Variants in EPS8L1 observed in about 807,000 individuals in gnomAD.
EPS8L1 encodes the protein epidermal growth factor receptor kinase substrate 8-like protein 1.
In EPS8L1, 101 loss-of-function variants were observed where a neutral mutation model predicts 91.7. The observed-to-expected ratio is 1.10, with a 90% CI of 0.94 to 1.30. The LOEUF is 1.30. Among genes scored for constraint, EPS8L1 ranks in the 50% most tolerant of loss-of-function variants. The pLI, the probability that EPS8L1 is intolerant of heterozygous loss-of-function variation, is 0.00. For missense variants in EPS8L1, 1,114 were observed against 1,017.0 expected, an observed-to-expected ratio of 1.10 and a Z score of -1.30; for synonymous variants, 506 against 445.3, an observed-to-expected ratio of 1.14 and a Z score of -1.72.
chr19:55,085,346 T>C (rs1602954508), intron 14 of EPS8L1, among the ~76,000 whole-genome samples: 1 of 152,296 alleles, frequency 6.6e-6, no homozygotes, highest in South Asian at 2.1e-4. Context: ...GGGTATTTTT[T>C]AGTAGAGACA....
Position 55,081,900 on chromosome 19 carries a change from G to A in EPS8L1, c.901+1G>A, listed in dbSNP as rs1218472155. 2 of 1,606,816 alleles carry A rather than the reference G, an allele frequency of 1.2e-6. No homozygotes were observed. The highest frequency in any genetic ancestry group is 1.1e-5 in the South Asian group (1 of 90,718). Reference sequence around the variant, plus strand: ...AGGAGCCGGCGCCGGGCGGCTGGGGGTAAGGGGCACCCTGGCGTGGGATCT... The same window carrying A: ...AGGAGCCGGCGCCGGGCGGCTGGGGATAAGGGGCACCCTGGCGTGGGATCT... On this transcript the variant is annotated splice_donor_variant, in intron 9 of 19. Coordinates refer to ENST00000201647, the MANE Select transcript of EPS8L1 (RefSeq NM_133180.3). LOFTEE classifies it high-confidence loss of function. The surrounding 1 kb of genome is among the most constrained non-coding windows in gnomAD (Gnocchi z 4.9).
rs2076368792 is a variant in EPS8L1 at position 55,087,766 on chromosome 19, C to G, written c.*152C>G. ...ATCCCGGTGGACAGACTTAACGATC[C>G]TTGCTGCAGTCCCTCCGGAGAGGAT... On this transcript the variant is annotated 3_prime_UTR_variant, in exon 20 of 20. Coordinates refer to ENST00000201647, the MANE Select transcript of EPS8L1 (RefSeq NM_133180.3). The G allele has an allele frequency of 6.4e-6, 5 of 784,304 alleles. No individual in the cohort carries two copies. The Admixed American group carries it at 8.6e-5, about 13-fold the overall frequency. The allele number at this position is 784,304 out of a possible 1,614,324, so 48.6% of individuals were successfully genotyped here. A position where few individuals can be genotyped will look rare whatever the true frequency, so the allele number is the denominator to read the frequency against.
intron 14 of EPS8L1, among the ~76,000 whole-genome samples, chr19:55,084,869 G>A (rs1175237874): frequency 6.6e-6 from 1 of 152,136 alleles, no homozygotes; most frequent in Non-Finnish European, 1.5e-5. Context: ...AGGGCTTAAG[G>A]CTGTGACCAG....
rs371114379 is a variant in EPS8L1, at chr19:55,086,157, C to A, written c.1615C>A (p.Arg539=). The change falls in exon 16 of 20, where the codon CGG becomes AGG. Residue 539 remains arginine, a synonymous_variant. Coordinates refer to ENST00000201647, the MANE Select transcript of EPS8L1 (RefSeq NM_133180.3). The part of the protein sequence containing the change: ...YNILTPYPGP[R]LHHSQSPARS... ...CATCCTGACACCCTACCCCGGACCC[C>A]GGCTGCACCACAGCCAAAGCCCTGC... The A allele has an allele frequency of 6.9e-6, 11 of 1,604,550 alleles. No homozygotes were observed. Among genetic ancestry groups the A allele is most frequent in the Non-Finnish European group, 9.4e-6 (11 of 1,174,878 alleles).
rs1291076726 is a variant in EPS8L1 at position 55,086,417 on chromosome 19, C to T, written c.1676C>T (p.Ala559Val). Residue 559 changes from alanine to valine, a missense_variant, in exon 17 of 20, where the codon GCC becomes GTC. Transcript: ENST00000201647. ...SLNSTPPPPP[A>V]PAPAPPPALA... ...AACAGCACTCCTCCTCCACCACCAG[C>T]CCCAGCCCCGGCCCCACCTCCAGCT... is the stretch of plus-strand genomic sequence containing the variant. 2 of 1,562,476 alleles carry T rather than the reference C, an allele frequency of 1.3e-6. No individual in the cohort carries two copies. The highest frequency in any genetic ancestry group is 1.7e-6 in the Non-Finnish European group (2 of 1,152,266).
intron 1 of EPS8L1, 134 bp from the exon 2 acceptor site, chr19:55,076,274 A>C: frequency 1.6e-6 from 1 of 616,930 alleles, no homozygotes. Context: ...CTGAGGGAGG[A>C]GGGGCTGGGG....
Position 55,083,392 on chromosome 19 carries a change from CGGA to C in EPS8L1, c.1235_1237del (p.Glu412del). 1 of 1,613,070 alleles carries C rather than the reference CGGA, an allele frequency of 6.2e-7. No individual in the cohort carries two copies. The highest frequency in any genetic ancestry group is 8.5e-7 in the Non-Finnish European group (1 of 1,179,924). On this transcript the variant is annotated inframe_deletion, in exon 13 of 20. Transcript: ENST00000201647. The surrounding 1 kb of genome is among the most constrained non-coding windows in gnomAD (Gnocchi z 4.7). ...CCTGGCCGCAGGCTGGAGCTGTCCC[CGGA>C]GGAGGGACCCCCATACAGACCCGAG...
chr19:55,085,950 G>C lies in EPS8L1; in HGVS notation c.1495G>C (p.Val499Leu). 1 of 1,613,690 alleles carries C rather than the reference G, an allele frequency of 6.2e-7. No homozygotes were observed. The highest frequency in any genetic ancestry group is 1.3e-5 in the African/African-American group (1 of 75,032). The change falls in exon 15 of 20, where the codon GTC becomes CTC. Residue 499 changes from valine to leucine, a missense_variant. Physicochemically the swap from Val to Leu is conservative, Grantham distance 32 (BLOSUM62 1). Transcript: ENST00000201647. The part of the protein sequence containing the change: ...FQARNSSELS[V>L]KQRDVLEVLD... The stretch of plus-strand genomic sequence containing the variant: ...GGCCCGCAACAGCAGTGAGCTGTCG[G>C]TCAAGCAGCGGGACGTACTGGAGGT...
chr19:55,083,274 G>A lies in EPS8L1; in HGVS notation c.1215-104G>A. The A allele has an allele frequency of 1.2e-5, 18 of 1,442,002 alleles. No homozygotes were observed. The highest frequency in any genetic ancestry group is 1.5e-5 in the Non-Finnish European group (16 of 1,071,028). 89.3% of individuals were successfully genotyped at this position (1,442,002 alleles called of 1,614,324 possible). ...GAAAAGTGGCGGGGCTAGAATCGTT[G>A]GAATACAGCGAGCTTTAGGGGAAAA... On this transcript the variant is annotated intron_variant, in intron 12 of 19. Coordinates refer to ENST00000201647, the MANE Select transcript of EPS8L1 (RefSeq NM_133180.3). This position sits in a 1 kb window ranked among gnomAD's most constrained non-coding sequence, Gnocchi z 4.7.
In EPS8L1 at chr19:55,081,601, C is replaced by G. The variant is rs1249774055; in HGVS notation, c.774+109C>G. 5 of 1,381,688 alleles carry G rather than the reference C, an allele frequency of 3.6e-6. No individual in the cohort carries two copies. Among genetic ancestry groups the G allele is most frequent in the Non-Finnish European group, 4.8e-6 (5 of 1,052,308 alleles). 85.6% of individuals were successfully genotyped at this position (1,381,688 alleles called of 1,614,324 possible). The stretch of plus-strand genomic sequence containing the variant: ...GGACGGGCGTTCTCTGGTCAGACTT[C>G]TGCGTTATGGAAGAGGGGCTGGGTC... On this transcript the variant is annotated intron_variant, in intron 8 of 19. Coordinates refer to ENST00000201647, the MANE Select transcript of EPS8L1 (RefSeq NM_133180.3). This position sits in a 1 kb window ranked among gnomAD's most constrained non-coding sequence, Gnocchi z 4.9.
rs201290918 is a variant in EPS8L1, at chr19:55,085,833, C to T, written c.1386-8C>T. ...CTCCTTATCTCCAACCCTCCCGCTT[C>T]TCCTCAGTCACCGAGACTTGGAGCC... On this transcript the variant is annotated splice_region_variant and splice_polypyrimidine_tract_variant and intron_variant, in intron 14 of 19. Coordinates refer to ENST00000201647, the MANE Select transcript of EPS8L1 (RefSeq NM_133180.3). The T allele has an allele frequency of 1.2e-4, 193 of 1,610,630 alleles. No homozygotes were observed. In the African/African-American group the frequency reaches 2.4e-3, roughly 20 times the overall value.
chr19:55,082,370 T>TCGGGCCCC, intron 11 of EPS8L1, 21 bp downstream of exon 11: 1 of 1,612,592 alleles, frequency 6.2e-7, no homozygotes, highest in East Asian at 2.2e-5. Flanking sequence ...CCCCAGGCCC[T>TCGGGCCCC]CGGGCCCCCC....
intron 5 of EPS8L1, 115 bp downstream of exon 5, chr19:55,079,966 G>GC: frequency 6.9e-7 from 1 of 1,451,404 alleles, no homozygotes; most frequent in Non-Finnish European, 9.1e-7. Flanking sequence ...AGGGACCCCA[G>GC]CCCCCTTCTT....
Position 55,083,996 on chromosome 19 carries a change from A to C in EPS8L1, c.1385+352A>C. 1 of 536,424 alleles carries C rather than the reference A, an allele frequency of 1.9e-6. No individual in the cohort carries two copies. 33.2% of individuals were successfully genotyped at this position (536,424 alleles called of 1,614,324 possible). A position where few individuals can be genotyped will look rare whatever the true frequency, so the allele number is the denominator to read the frequency against. ...GTTTTCCCAGGGCCTGGGAAGCACC[A>C]TGCCTGGGCTCCCTAGGAGGACAGA... On this transcript the variant is annotated intron_variant, in intron 14 of 19. Coordinates refer to ENST00000201647, the MANE Select transcript of EPS8L1 (RefSeq NM_133180.3). The surrounding 1 kb of genome is among the most constrained non-coding windows in gnomAD (Gnocchi z 4.7).
Position 55,083,230 on chromosome 19 carries a change from G to C in EPS8L1, c.1215-148G>C. 1.9e-6 allele frequency: 2 copies of C among 1,074,410 alleles called. No individual in the cohort carries two copies. Among genetic ancestry groups the C allele is most frequent in the Non-Finnish European group, 2.7e-6 (2 of 742,640 alleles). The allele number at this position is 1,074,410 out of a possible 1,614,324, so 66.6% of individuals were successfully genotyped here. On this transcript the variant is annotated intron_variant, in intron 12 of 19. Transcript: ENST00000201647. This position sits in a 1 kb window ranked among gnomAD's most constrained non-coding sequence, Gnocchi z 4.7. ...AAATTGCTGTTGAGTTGGGCTTAGA[G>C]CTACCGGCAGGACTTGGTGAAAAGT...
rs1394647796 is a variant in EPS8L1 at position 55,087,632 on chromosome 19, G to A, written c.*18G>A. ...TCATTTGACCTGCCAGGCGCCCTTCGCAAAGAGTGACGAGGCCCCGTGGGA... is the reference window on the plus strand; with the variant it reads ...TCATTTGACCTGCCAGGCGCCCTTCACAAAGAGTGACGAGGCCCCGTGGGA... On this transcript the variant is annotated 3_prime_UTR_variant, in exon 20 of 20. Transcript: ENST00000201647. The A allele has an allele frequency of 6.2e-7, 1 of 1,613,476 alleles. No homozygotes were observed. Among genetic ancestry groups the A allele is most frequent in the Non-Finnish European group, 8.5e-7 (1 of 1,179,642 alleles).
At chr19:55,085,587 C>T (rs889057756) in intron 14 of EPS8L1, 8 of 377,898 alleles carry the variant, frequency 2.1e-5, no homozygotes, top group African/African-American at 1.2e-4. Context: ...TCGCTCTGAG[C>T]CTCATTCTCC....
chr19:55,087,848 A>AC lies in EPS8L1; in HGVS notation c.*239dup. The AC allele has an allele frequency of 1.8e-6, 1 of 554,824 alleles. No individual in the cohort carries two copies. Among genetic ancestry groups the AC allele is most frequent in the Non-Finnish European group, 3.2e-6 (1 of 308,106 alleles). The allele number at this position is 554,824 out of a possible 1,614,324, so 34.4% of individuals were successfully genotyped here. On this transcript the variant is annotated 3_prime_UTR_variant, in exon 20 of 20. Transcript: ENST00000201647. ...GACAGTCTACGGAAAGCGCTAGCAG[A>AC]CCCCCGAGAGGGTGCAGTGGAGCCC...
intron 11 of EPS8L1, 25 bp downstream of exon 11, chr19:55,082,374 G>GC: frequency 1.2e-6 from 2 of 1,612,508 alleles, no homozygotes; most frequent in African/African-American, 1.3e-5. Flanking sequence ...AGGCCCTCGG[G>GC]CCCCCCTGCA....
Sources: allele counts gnomAD v4.1 joint callset (sites outside exome capture counted in the v4.1 genomes callset), GRCh38; gene constraint gnomAD v4.1.1; non-coding constraint Gnocchi (gnomAD v3.1); transcripts MANE v1.5; gene names NCBI Gene and HGNC (gene_info 2026-07-23, HGNC 2026-07-21).